Variants in CDH13 observed in about 807,000 individuals in gnomAD.
CDH13 encodes the protein cadherin-13.
Under a neutral mutation model 63.8 loss-of-function variants are expected in CDH13, and 24 were observed. That is an observed-to-expected ratio of 0.38 (90% CI 0.27 to 0.53). The LOEUF (loss-of-function observed/expected upper bound fraction) is 0.53. CDH13 is among the 20% of genes least tolerant of loss of function. The pLI is 0.85. For synonymous variants in CDH13, 503 were observed against 355.3 expected, an observed-to-expected ratio of 1.42 and a Z score of -4.67; for missense variants, 1,049 against 903.1, an observed-to-expected ratio of 1.16 and a Z score of -2.07.
intron 4 of CDH13, among the ~76,000 whole-genome samples, chr16:83,141,156 T>C (rs142879241): frequency 2.6e-4 from 40 of 152,350 alleles, no homozygotes; most frequent in Non-Finnish European, 4.9e-4. Context: ...TCAGAGAATA[T>C]TAAAGCCGGA....
chr16:82,871,124 T>C (rs1054288130), intron 2 of CDH13, among the ~76,000 whole-genome samples: 2 of 152,218 alleles, frequency 1.3e-5, no homozygotes, highest in African/African-American at 2.4e-5. Flanking sequence ...ATACCTGCTA[T>C]TCACTATCAA....
At chr16:83,280,862 C>T (rs1253669826) in intron 5 of CDH13, among the ~76,000 whole-genome samples, 1 of 152,214 alleles carries the variant, frequency 6.6e-6, no homozygotes, top group Non-Finnish European at 1.5e-5. Context: ...TGAGCAGTAA[C>T]ATTTTGAAAT....
intron 11 of CDH13, among the ~76,000 whole-genome samples, chr16:83,772,243 AC>A (rs201847819): frequency 3.9e-4 from 40 of 102,380 alleles, no homozygotes; most frequent in Admixed American, 1.0e-3. Context: ...AAAAATCTAT[AC>A]TGGCTAAAGT....
rs568020022 is a variant in CDH13, at chr16:83,624,397, C to T, written c.1101+21803C>T. On this transcript the variant is annotated intron_variant, in intron 8 of 13. Coordinates refer to ENST00000567109, the MANE Select transcript of CDH13 (RefSeq NM_001257.5). ...CCTTTTTGGCACCAGGGACCGGTTT[C>T]GTAGAACACAATTTTTTCACAGATG... Among the ~76,000 whole-genome samples, 64 of 149,096 alleles carry T rather than the reference C, an allele frequency of 4.3e-4. No individual in the cohort carries two copies. The South Asian group carries it at 5.3e-3, about 12-fold the overall frequency.
At chr16:82,759,726 A>G (rs1037602769) in intron 1 of CDH13, among the ~76,000 whole-genome samples, 1 of 152,054 alleles carries the variant, frequency 6.6e-6, no homozygotes. Flanking sequence ...GCACACCTCA[A>G]AAGAATAGAG....
At chr16:82,675,252 G>A (rs753097993) in intron 1 of CDH13, among the ~76,000 whole-genome samples, 1 of 152,128 alleles carries the variant, frequency 6.6e-6, no homozygotes, top group Non-Finnish European at 1.5e-5. Context: ...CGCTTTCTTG[G>A]TTTAAATGTG....
intron 10 of CDH13, 22 bp downstream of exon 10, chr16:83,678,483 C>G (rs917759003): frequency 6.2e-7 from 1 of 1,613,154 alleles, no homozygotes; most frequent in Non-Finnish European, 8.5e-7. Flanking sequence ...GCTCCGGAAC[C>G]ACAGACGGGA....
At chr16:82,873,005 C>T (rs902290412) in intron 2 of CDH13, among the ~76,000 whole-genome samples, 4 of 152,064 alleles carry the variant, frequency 2.6e-5, no homozygotes, top group East Asian at 1.9e-4. Context: ...CATGACAAGA[C>T]GATGGTTAAG....
intron 8 of CDH13, among the ~76,000 whole-genome samples, chr16:83,661,048 CT>C (rs5818462): frequency 0.11 from 15,617 of 143,900 alleles, 1,582 homozygotes; most frequent in African/African-American, 0.27. Flanking sequence ...AGCAGCAAAA[CT>C]TTTTTTTTTT....
intron 7 of CDH13, among the ~76,000 whole-genome samples, chr16:83,510,714 T>C (rs543268924): frequency 5.9e-5 from 9 of 152,292 alleles, no homozygotes; most frequent in East Asian, 1.9e-4. Flanking sequence ...TACTTCTAGA[T>C]AGAGCCAAAC....
chr16:82,852,561 T>C (rs935257843), intron 1 of CDH13, among the ~76,000 whole-genome samples: 1 of 152,194 alleles, frequency 6.6e-6, no homozygotes, highest in Non-Finnish European at 1.5e-5. Context: ...TAGTCACATG[T>C]CTAAAATTGT....
intron 5 of CDH13, among the ~76,000 whole-genome samples, chr16:83,287,723 A>G (rs1488640521): frequency 1.3e-5 from 2 of 152,198 alleles, no homozygotes; most frequent in African/African-American, 2.4e-5. Context: ...AAAGTGCACC[A>G]TAAATTTAAT....
chr16:82,870,266 T>C (rs1182891543), intron 2 of CDH13, among the ~76,000 whole-genome samples: 1 of 152,098 alleles, frequency 6.6e-6, no homozygotes, highest in African/African-American at 2.4e-5. Flanking sequence ...TATATAAACA[T>C]ATTCTCTCCC....
At chr16:82,999,138 C>A (rs72794136) in intron 2 of CDH13, among the ~76,000 whole-genome samples, 1 of 152,020 alleles carries the variant, frequency 6.6e-6, no homozygotes, top group African/African-American at 2.4e-5. Context: ...ATGTTACATT[C>A]TTTGGACTTG....
In CDH13 at chr16:83,425,712, G is replaced by T. The variant is rs142505616; in HGVS notation, c.782-60765G>T. Among the ~76,000 whole-genome samples, 1,170 of 152,234 alleles carry T rather than the reference G, an allele frequency of 7.7e-3. 9 individuals carry two copies. The highest frequency in any genetic ancestry group is 0.012 in the Non-Finnish European group (802 of 68,020). On this transcript the variant is annotated intron_variant, in intron 6 of 13. Transcript: ENST00000567109. Reference sequence around the variant, plus strand: ...ACTTGACTCTTTCTTCAACTAATCTGCAGTGTTCAAATATGAATACCTTTC... The same window carrying T: ...ACTTGACTCTTTCTTCAACTAATCTTCAGTGTTCAAATATGAATACCTTTC...
intron 6 of CDH13, among the ~76,000 whole-genome samples, chr16:83,379,551 G>A (rs186343502): frequency 7.2e-5 from 11 of 152,210 alleles, no homozygotes; most frequent in Admixed American, 3.9e-4. Context: ...CTCAGCCCAC[G>A]TTTTCCCATG....
intron 1 of CDH13, among the ~76,000 whole-genome samples, chr16:82,686,972 C>G (rs1246169809): frequency 1.3e-5 from 2 of 152,204 alleles, no homozygotes; most frequent in African/African-American, 4.8e-5. Context: ...CATTTGTAAG[C>G]TCTTGCTTCG....
intron 5 of CDH13, among the ~76,000 whole-genome samples, chr16:83,221,496 A>G (rs1470188553): frequency 2.0e-5 from 3 of 152,180 alleles, no homozygotes; most frequent in Non-Finnish European, 4.4e-5. Flanking sequence ...AGTACTGTAA[A>G]TGATTCATGA....
At chr16:82,764,968 C>T (rs2034998760) in intron 1 of CDH13, among the ~76,000 whole-genome samples, 1 of 152,202 alleles carries the variant, frequency 6.6e-6, no homozygotes, top group African/African-American at 2.4e-5. Flanking sequence ...ACGTGTGCCA[C>T]TATGCCTGGC....
Sources: allele counts gnomAD v4.1 joint callset (sites outside exome capture counted in the v4.1 genomes callset), GRCh38; gene constraint gnomAD v4.1.1; transcripts MANE v1.5; gene names NCBI Gene and HGNC (gene_info 2026-07-23, HGNC 2026-07-21).